MED15: variants seen among roughly 807,000 people sequenced by gnomAD.
MED15 encodes mediator complex subunit 15.
MED15 carries 41 observed loss-of-function variants against 118.7 expected under a neutral mutation model. That is an observed-to-expected ratio of 0.35 (90% CI 0.27 to 0.45). The LOEUF (loss-of-function observed/expected upper bound fraction) is 0.45, where lower values mean the gene tolerates loss of function less well. MED15 is among the 20% of genes least tolerant of loss of function. The pLI is 1.00. For synonymous variants in MED15, 436 were observed against 413.9 expected, an observed-to-expected ratio of 1.05 and a Z score of -0.65; for missense variants, 740 against 1,025.5, an observed-to-expected ratio of 0.72 and a Z score of 3.80.
chr22:20,579,124 A>G (rs373891427), intron 9 of MED15, among the ~76,000 whole-genome samples: 3 of 152,304 alleles, frequency 2.0e-5, no homozygotes, highest in East Asian at 1.9e-4. Flanking sequence ...TCCTTTGACT[A>G]GAGAGGCACT....
intron 2 of MED15, 42 bp from the exon 3 acceptor site, chr22:20,551,394 T>G (rs762517348): frequency 1.3e-6 from 2 of 1,588,852 alleles, no homozygotes; most frequent in Non-Finnish European, 1.7e-6. Context: ...ATGACTGCGC[T>G]TCTTCATCTG....
At chr22:20,582,453 A>C in intron 9 of MED15, 158 bp from the exon 10 acceptor site, 1 of 1,153,374 alleles carries the variant, frequency 8.7e-7, no homozygotes, top group Non-Finnish European at 1.2e-6. Flanking sequence ...AGGCTGGGGG[A>C]GTGTGCCTGT....
chr22:20,566,685 A>T lies in MED15; in HGVS notation c.909A>T (p.Pro303=). Residue 303 remains proline, a synonymous_variant, in exon 7 of 18, where the codon CCA becomes CCT. Transcript: ENST00000263205. ...ACACACAGCACCACCAGCCGCCACC[A>T]CAGCCCCAGCAGCCTCCAGTTGCTC... The part of the protein sequence containing the change: ...MHHTQHHQPP[P]QPQQPPVAQN... The T allele has an allele frequency of 6.2e-7, 1 of 1,614,086 alleles. No individual in the cohort carries two copies. Among genetic ancestry groups the T allele is most frequent in the Non-Finnish European group, 8.5e-7 (1 of 1,179,994 alleles).
At position 20,584,997 on chromosome 22, in the gene MED15, T is replaced by G; in HGVS notation, c.1946T>G (p.Ile649Ser). The stretch of plus-strand genomic sequence containing the variant: ...ACATTCGTTCCAGCCATGACCGCCA[T>G]TCACGGCCCACCCATCACGTATGTC... ...YRTFVPAMTA[I>S]HGPPITAPVV... Residue 649 changes from isoleucine to serine, a missense_variant, in exon 15 of 18, where the codon ATT (isoleucine) becomes AGT (serine). Physicochemically the swap from Ile to Ser is moderately radical, Grantham distance 142 (BLOSUM62 -2). Around this residue, in one of 7 missense-constraint regions of MED15, gnomAD observed 179 missense variants for 259.0 expected, o/e 0.69. Coordinates refer to ENST00000263205, the MANE Select transcript of MED15 (RefSeq NM_001003891.3). 6.2e-7 allele frequency: 1 copy of G among 1,614,066 alleles called. No individual in the cohort carries two copies. Among genetic ancestry groups the G allele is most frequent in the Non-Finnish European group, 8.5e-7 (1 of 1,180,020 alleles).
intron 2 of MED15, 145 bp downstream of exon 2, chr22:20,537,349 C>A: frequency 1.6e-6 from 1 of 632,428 alleles, no homozygotes; most frequent in Non-Finnish European, 2.7e-6. Context: ...GTTGGTTTTG[C>A]CTGCAGCAGT....
chr22:20,512,311 A>G (rs1249383321), intron 1 of MED15, among the ~76,000 whole-genome samples: 3 of 151,754 alleles, frequency 2.0e-5, no homozygotes, highest in Non-Finnish European at 4.4e-5. Context: ...TTTTTAACCA[A>G]TTTATTATCA....
At chr22:20,507,805 G>A (rs2053920224) in intron 1 of MED15, 59 bp downstream of exon 1, 3 of 1,608,242 alleles carry the variant, frequency 1.9e-6, no homozygotes, top group South Asian at 1.1e-5. Context: ...AGCGTGGCGG[G>A]CGAGGCCAGG....
intron 1 of MED15, 56 bp downstream of exon 1, chr22:20,507,802 C>G (rs1466635489): frequency 6.2e-7 from 1 of 1,608,908 alleles, no homozygotes; most frequent in Admixed American, 1.7e-5. Context: ...CTTAGCGTGG[C>G]GGGCGAGGCC....
Position 20,584,392 on chromosome 22 carries a change from C to A in MED15, c.1770C>A (p.Ile590=), listed in dbSNP as rs369151271. 1.2e-6 allele frequency: 2 copies of A among 1,613,794 alleles called. No individual in the cohort carries two copies. Among genetic ancestry groups the A allele is most frequent in the South Asian group, 2.2e-5 (2 of 91,084 alleles). ...CPLKTLQKCE[I]ALEKLKNDMA... The stretch of plus-strand genomic sequence containing the variant: ...TGAAGACCTTGCAAAAGTGTGAGAT[C>A]GCCCTGGAGAAACTCAAGAATGACA... Residue 590 remains isoleucine, a synonymous_variant, in exon 14 of 18, where the codon ATC becomes ATA. Coordinates refer to ENST00000263205, the MANE Select transcript of MED15 (RefSeq NM_001003891.3).
intron 7 of MED15, among the ~76,000 whole-genome samples, chr22:20,567,495 G>C (rs1461354449): frequency 6.6e-6 from 1 of 152,178 alleles, no homozygotes; most frequent in African/African-American, 2.4e-5. Flanking sequence ...CCTGAGGCAA[G>C]TGTGGGGGTG....
chr22:20,579,955 C>A (rs1171673962), intron 9 of MED15, among the ~76,000 whole-genome samples: 2 of 152,126 alleles, frequency 1.3e-5, no homozygotes, highest in African/African-American at 4.8e-5. Flanking sequence ...TCCCTAATGC[C>A]AGTTGTGTCT....
intron 9 of MED15, among the ~76,000 whole-genome samples, chr22:20,581,146 C>G (rs577848560): frequency 7.9e-5 from 12 of 152,240 alleles, no homozygotes; most frequent in African/African-American, 2.9e-4. Flanking sequence ...TCCCAGCACA[C>G]GTGGTTCAGG....
Position 20,585,108 on chromosome 22 carries a change from G to C in MED15, c.1972G>C (p.Val658Leu). ...ACCATGCCGCCTCCCCAGGGCCCCA[G>C]TGGTGTGCACCCGGAAGCGCAGGCT... ...AIHGPPITAP[V>L]VCTRKRRLED... Residue 658 changes from valine to leucine, a missense_variant, in exon 16 of 18, where the codon GTG (valine) becomes CTG (leucine). Around this residue, in one of 7 missense-constraint regions of MED15, gnomAD observed 179 missense variants for 259.0 expected, o/e 0.69. Coordinates refer to ENST00000263205, the MANE Select transcript of MED15 (RefSeq NM_001003891.3). 6.2e-7 allele frequency: 1 copy of C among 1,613,704 alleles called. No homozygotes were observed. The highest frequency in any genetic ancestry group is 1.1e-5 in the South Asian group (1 of 91,070).
chr22:20,512,493 A>G (rs992667386), intron 1 of MED15, among the ~76,000 whole-genome samples: 1 of 151,194 alleles, frequency 6.6e-6, no homozygotes, highest in Non-Finnish European at 1.5e-5. Flanking sequence ...TTAGTTTCCC[A>G]TAGGACCTCA....
intron 5 of MED15, among the ~76,000 whole-genome samples, chr22:20,556,743 T>A (rs1601574213): frequency 6.6e-6 from 1 of 152,232 alleles, no homozygotes; most frequent in Admixed American, 6.5e-5. Flanking sequence ...CCAACTCTCT[T>A]GTGTTACCTC....
In MED15 at chr22:20,507,906, C is replaced by T. The variant is rs928937460; in HGVS notation, c.68+160C>T. 9 of 1,464,702 alleles carry T rather than the reference C, an allele frequency of 6.1e-6. No homozygotes were observed. In the African/African-American group the frequency reaches 1.1e-4, roughly 19 times the overall value. The allele number at this position is 1,464,702 out of a possible 1,614,324, so 90.7% of individuals were successfully genotyped here. On this transcript the variant is annotated intron_variant, in intron 1 of 17. Transcript: ENST00000263205. Reference sequence around the variant, plus strand: ...GGGCTCGGGCCCCCCCGTCTGTCCCCTCCGTTCCCGACATGGACTGCTCGT... The same window carrying T: ...GGGCTCGGGCCCCCCCGTCTGTCCCTTCCGTTCCCGACATGGACTGCTCGT...
In MED15 at chr22:20,568,606, C is replaced by T. The variant is rs2056528370; in HGVS notation, c.1127C>T (p.Ala376Val). ...ACAGCAGTACAGACAGCTCAGGCTG[C>T]CCAGATGGTGGCTCCCGGAGTCCAG... ...QQTAVQTAQA[A>V]QMVAPGVQMI... Residue 376 changes from alanine to valine, a missense_variant, in exon 8 of 18, where the codon GCC becomes GTC. Transcript: ENST00000263205. 6.2e-7 allele frequency: 1 copy of T among 1,613,604 alleles called. No homozygotes were observed. Among genetic ancestry groups the T allele is most frequent in the South Asian group, 1.1e-5 (1 of 91,038 alleles).
chr22:20,582,835 T>C lies in MED15; in HGVS notation c.1410-5T>C. The C allele has an allele frequency of 6.2e-7, 1 of 1,611,128 alleles. No individual in the cohort carries two copies. Among genetic ancestry groups the C allele is most frequent in the Admixed American group, 1.7e-5 (1 of 59,910 alleles). On this transcript the variant is annotated splice_region_variant and splice_polypyrimidine_tract_variant and intron_variant, in intron 10 of 17. Transcript: ENST00000263205. ...GGCTCACATGTTTCTCTCACTTGGC[T>C]GCAGCTCTGGCCCTGCCCCATCTCC... is the stretch of plus-strand genomic sequence containing the variant.
At chr22:20,508,521 G>A in intron 1 of MED15, 2 of 757,902 alleles carry the variant, frequency 2.6e-6, no homozygotes, top group Non-Finnish European at 1.9e-6. Flanking sequence ...AGGGAGATAG[G>A]GGTGGGGTCG....
Sources: allele counts gnomAD v4.1 joint callset (sites outside exome capture counted in the v4.1 genomes callset), GRCh38; gene constraint gnomAD v4.1.1; regional missense constraint gnomAD v4.1.1; transcripts MANE v1.5; gene names NCBI Gene and HGNC (gene_info 2026-07-23, HGNC 2026-07-21).